The following LACTB2 variants were observed in gnomAD, a reference collection of about 807,000 sequenced individuals.
The protein encoded by LACTB2 is endoribonuclease LACTB2.
LACTB2 carries 32 observed loss-of-function variants against 34.8 expected under a neutral mutation model. That is an observed-to-expected ratio of 0.92 (90% CI 0.69 to 1.24). The LOEUF (loss-of-function observed/expected upper bound fraction) is 1.24. Among genes scored for constraint, LACTB2 ranks in the 50% most tolerant of loss-of-function variants. LACTB2 has a pLI of 0.00. For synonymous variants in LACTB2, 120 were observed against 117.5 expected, an observed-to-expected ratio of 1.02 and a Z score of -0.14; for missense variants, 320 against 345.0, an observed-to-expected ratio of 0.93 and a Z score of 0.57.
chr8:70,657,939 G>C, intron 2 of LACTB2, 57 bp from the exon 3 acceptor site: 1 of 1,193,588 alleles, frequency 8.4e-7, no homozygotes, highest in South Asian at 1.6e-5. Context: ...AGCCTTTTAA[G>C]AGATCAACTT....
At chr8:70,643,219 T>A (rs1310580640) in intron 4 of LACTB2, among the ~76,000 whole-genome samples, 1 of 95,352 alleles carries the variant, frequency 1.0e-5, no homozygotes, top group Admixed American at 1.1e-4. Context: ...TTTTTTTTTT[T>A]TTTTTTTTTT....
chr8:70,640,302 A>G (rs1818180235), intron 5 of LACTB2, among the ~76,000 whole-genome samples: 1 of 152,210 alleles, frequency 6.6e-6, no homozygotes. Context: ...TGCTGCCTAC[A>G]CAGCAGACAT....
At chr8:70,657,933 T>A in intron 2 of LACTB2, 51 bp from the exon 3 acceptor site, 1 of 1,247,652 alleles carries the variant, frequency 8.0e-7, no homozygotes, top group Non-Finnish European at 1.1e-6. Context: ...TAATTAAGCC[T>A]TTTAAGAGAT....
intron 3 of LACTB2, among the ~76,000 whole-genome samples, chr8:70,649,407 T>C (rs999513077): frequency 6.6e-6 from 1 of 152,168 alleles, no homozygotes; most frequent in Non-Finnish European, 1.5e-5. Context: ...AAGGGAAGAT[T>C]TATATACTCA....
chr8:70,650,966 T>C (rs887915069), intron 3 of LACTB2, among the ~76,000 whole-genome samples: 7 of 151,904 alleles, frequency 4.6e-5, no homozygotes, highest in Non-Finnish European at 1.0e-4. Context: ...ATAGTAAAGA[T>C]ATGGAGGAAA....
Position 70,638,620 on chromosome 8 carries a change from CAGG to C in LACTB2, c.748_750del (p.Pro250del). 7.0e-7 allele frequency: 1 copy of C among 1,433,532 alleles called. No homozygotes were observed. The allele number at this position is 1,433,532 out of a possible 1,614,324, so 88.8% of individuals were successfully genotyped here. A position where few individuals can be genotyped will look rare whatever the true frequency, so the allele number is the denominator to read the frequency against. On this transcript the variant is annotated inframe_deletion, in exon 6 of 7. Transcript: ENST00000276590. ...TGTTTAGCCATTTCATGTAAATTCTCAGGAGTATTCTAAAAGAAAAATGAAGGT... is the reference window on the plus strand; with the variant it reads ...TGTTTAGCCATTTCATGTAAATTCTCAGTATTCTAAAAGAAAAATGAAGGT...
At chr8:70,639,015 G>C (rs1299766140) in intron 5 of LACTB2, among the ~76,000 whole-genome samples, 1 of 152,078 alleles carries the variant, frequency 6.6e-6, no homozygotes, top group Non-Finnish European at 1.5e-5. Flanking sequence ...TGGGATTACA[G>C]ACGTGAGCCA....
chr8:70,641,143 A>C (rs1818192448), intron 4 of LACTB2, 93 bp from the exon 5 acceptor site: 1 of 1,140,714 alleles, frequency 8.8e-7, no homozygotes, highest in Non-Finnish European at 1.2e-6. Context: ...AATAATTCAT[A>C]TGATATATTG....
intron 1 of LACTB2, among the ~76,000 whole-genome samples, chr8:70,665,377 TG>T (rs1818524079): frequency 6.6e-6 from 1 of 152,234 alleles, no homozygotes; most frequent in South Asian, 2.1e-4. Flanking sequence ...TTTTAATTGA[TG>T]GAAAATTAGT....
intron 2 of LACTB2, chr8:70,661,446 C>T: frequency 3.3e-6 from 1 of 302,042 alleles, no homozygotes; most frequent in Non-Finnish European, 6.3e-6. Flanking sequence ...TTGTTTAGTG[C>T]AGTGCCTGGC....
chr8:70,660,948 T>C (rs1230108846), intron 2 of LACTB2: 15 of 455,894 alleles, frequency 3.3e-5, no homozygotes, highest in Non-Finnish European at 5.7e-5. Flanking sequence ...CGGGAAATTT[T>C]TGTACTTTTT....
chr8:70,668,957 G>A (rs1264530636), intron 1 of LACTB2, 42 bp downstream of exon 1: 44 of 1,554,346 alleles, frequency 2.8e-5, no homozygotes, highest in East Asian at 2.4e-5. Flanking sequence ...CGGGCTCCGG[G>A]GCCGGCTGCG....
At chr8:70,639,667 T>A (rs192376082) in intron 5 of LACTB2, among the ~76,000 whole-genome samples, 6 of 152,080 alleles carry the variant, frequency 3.9e-5, no homozygotes, top group African/African-American at 1.4e-4. Flanking sequence ...TTAATTTTTT[T>A]AAAAAAGTTT....
chr8:70,649,281 G>C (rs1425779666), intron 3 of LACTB2, among the ~76,000 whole-genome samples: 1 of 152,096 alleles, frequency 6.6e-6, no homozygotes, highest in Non-Finnish European at 1.5e-5. Context: ...GATGACACCA[G>C]CATCAGGCCC....
intron 3 of LACTB2, among the ~76,000 whole-genome samples, chr8:70,655,205 C>T (rs1416733437): frequency 6.9e-6 from 1 of 144,872 alleles, no homozygotes; most frequent in Non-Finnish European, 1.5e-5. Flanking sequence ...CTACAAATGC[C>T]GTTAATTAAT....
At chr8:70,661,958 T>C (rs1157738175) in intron 1 of LACTB2, 61 bp from the exon 2 acceptor site, 46 of 1,384,076 alleles carry the variant, frequency 3.3e-5, no homozygotes, top group Non-Finnish European at 4.5e-5. Flanking sequence ...TAGCATTATT[T>C]TGCACACAGA....
intron 1 of LACTB2, 79 bp downstream of exon 1, chr8:70,668,920 C>G (rs1818581801): frequency 6.5e-7 from 1 of 1,530,656 alleles, no homozygotes. Context: ...CTCTCCACTG[C>G]CCGCGCAGCC....
At chr8:70,668,804 A>T (rs1358250312) in intron 1 of LACTB2, among the ~76,000 whole-genome samples, 195 bp downstream of exon 1, 1 of 140,562 alleles carries the variant, frequency 7.1e-6, no homozygotes, top group Non-Finnish European at 1.5e-5. Flanking sequence ...GAGAGCTATC[A>T]CCTGGGGTGG....
At chr8:70,661,983 G>A (rs1468049863) in intron 1 of LACTB2, 86 bp from the exon 2 acceptor site, 12 of 1,159,010 alleles carry the variant, frequency 1.0e-5, no homozygotes, top group African/African-American at 1.6e-5. Context: ...TTACATTAAA[G>A]AAACTGCAAA....
Sources: gnomAD v4.1 joint callset for allele counts (sites outside exome capture counted in the v4.1 genomes callset) on GRCh38, gnomAD v4.1.1 for gene constraint, MANE v1.5 for transcripts, NCBI Gene and HGNC (gene_info 2026-07-23, HGNC 2026-07-21) for gene names.